TANGO6: variants seen among roughly 807,000 people sequenced by gnomAD.
TANGO6 encodes transport and golgi organization 6 homolog, also known as transport and Golgi organization protein 6 homolog.
A neutral mutation model predicts 114.2 loss-of-function variants in TANGO6; 90 were observed. The observed-to-expected ratio is 0.79, with a 90% confidence interval of 0.66 to 0.94. The LOEUF is 0.94. TANGO6 is among the 40% of genes least tolerant of loss of function. The pLI is 0.00. For synonymous variants in TANGO6, 477 were observed against 509.8 expected (o/e 0.94, Z 0.87); for missense variants, 1,274 against 1,315.3 (o/e 0.97, Z 0.49).
At chr16:68,925,461 G>C (rs947739049) in intron 12 of TANGO6, among the ~76,000 whole-genome samples, 1 of 152,108 alleles carries the variant, frequency 6.6e-6, no homozygotes, top group Non-Finnish European at 1.5e-5. Context: ...AAGTCAGGTT[G>C]TTCATTTTCT....
At chr16:68,871,705 T>C (rs57492998) in intron 4 of TANGO6, among the ~76,000 whole-genome samples, 36,409 of 152,094 alleles carry the variant, frequency 0.24, 4,989 homozygotes, top group African/African-American at 0.39. Flanking sequence ...CTGCAACTTC[T>C]GCCTCCCAGG....
intron 17 of TANGO6, among the ~76,000 whole-genome samples, chr16:69,050,458 C>T (rs139984059): frequency 4.6e-4 from 70 of 151,756 alleles, no homozygotes; most frequent in Non-Finnish European, 8.0e-4. Flanking sequence ...CCTTCCACCT[C>T]AGCCTCCTAA....
chr16:68,864,801 C>A (rs1048842978), intron 3 of TANGO6, among the ~76,000 whole-genome samples: 7 of 152,122 alleles, frequency 4.6e-5, no homozygotes, highest in Non-Finnish European at 7.4e-5. Flanking sequence ...AGGTTTCTTA[C>A]CCATAAGATA....
At chr16:68,909,083 A>G in intron 10 of TANGO6, 128 bp from the exon 11 acceptor site, 1 of 828,228 alleles carries the variant, frequency 1.2e-6, no homozygotes, top group Non-Finnish European at 1.7e-6. Flanking sequence ...GCTATTATAA[A>G]TAATGTTGCA....
At chr16:68,977,899 C>A (rs573831355) in intron 15 of TANGO6, among the ~76,000 whole-genome samples, 4 of 151,774 alleles carry the variant, frequency 2.6e-5, no homozygotes, top group Non-Finnish European at 4.4e-5. Context: ...TTGGACAGGC[C>A]GGTCTCGAAC....
intron 15 of TANGO6, among the ~76,000 whole-genome samples, chr16:69,016,002 A>G (rs1959290557): frequency 1.3e-5 from 2 of 152,030 alleles, no homozygotes; most frequent in East Asian, 1.9e-4. Context: ...TTGTTCCTTG[A>G]GGTCTTCTCC....
intron 7 of TANGO6, among the ~76,000 whole-genome samples, chr16:68,882,496 CA>C (rs759095866): frequency 2.2e-3 from 273 of 121,520 alleles, no homozygotes; most frequent in Non-Finnish European, 2.4e-3. Context: ...GACTCCGTCT[CA>C]AAAAAAAAAA....
At chr16:68,941,575 T>C (rs1963353725) in intron 14 of TANGO6, among the ~76,000 whole-genome samples, 1 of 151,918 alleles carries the variant, frequency 6.6e-6, no homozygotes, top group African/African-American at 2.4e-5. Flanking sequence ...GAAAACCCCA[T>C]CTCTACCAAA....
chr16:68,953,193 C>T (rs1321804775), intron 14 of TANGO6, among the ~76,000 whole-genome samples: 2 of 151,956 alleles, frequency 1.3e-5, no homozygotes, highest in African/African-American at 2.4e-5. Context: ...GAGCGATTCT[C>T]CTGCCTCGGC....
At position 69,045,149 on chromosome 16, in the gene TANGO6, C is replaced by T. The variant is rs1484530594; in HGVS notation, c.3108+4728C>T. Among the ~76,000 whole-genome samples the T allele has an allele frequency of 1.2e-4, 13 of 108,372 alleles. No homozygotes were observed. In the Admixed American group the frequency reaches 1.3e-3, roughly 11 times the overall value. The allele number at this position is 108,372 out of a possible 152,430, so 71.1% of individuals were successfully genotyped here. A position where few individuals can be genotyped will look rare whatever the true frequency, so the allele number is the denominator to read the frequency against. ...CCAGCCTGGGCGACAGAGGGAGACT[C>T]TTGTCTCAAAAAAAAAAAAAAAAAG... On this transcript the variant is annotated intron_variant, in intron 17 of 17. Transcript: ENST00000261778.
At chr16:68,862,024 T>A (rs1453749149) in intron 2 of TANGO6, among the ~76,000 whole-genome samples, 2 of 142,658 alleles carry the variant, frequency 1.4e-5, no homozygotes, top group Non-Finnish European at 3.0e-5. Context: ...TTTTTTTTAA[T>A]TTTTTTTTTA....
At chr16:68,989,234 C>T (rs1204884236) in intron 15 of TANGO6, among the ~76,000 whole-genome samples, 1 of 152,000 alleles carries the variant, frequency 6.6e-6, no homozygotes, top group Non-Finnish European at 1.5e-5. Flanking sequence ...CATTCTAGGA[C>T]TTTACACATA....
At chr16:68,856,792 G>C (rs187407361) in intron 1 of TANGO6, among the ~76,000 whole-genome samples, 1 of 152,242 alleles carries the variant, frequency 6.6e-6, no homozygotes, top group Non-Finnish European at 1.5e-5. Flanking sequence ...GTCTCATACA[G>C]TATAGTTTCA....
At chr16:69,001,770 G>T (rs1964046365) in intron 15 of TANGO6, among the ~76,000 whole-genome samples, 1 of 152,132 alleles carries the variant, frequency 6.6e-6, no homozygotes, top group Admixed American at 6.6e-5. Flanking sequence ...CCCCGAAGCT[G>T]GTGGCCAACC....
intron 17 of TANGO6, among the ~76,000 whole-genome samples, chr16:69,076,280 C>T (rs1462975217): frequency 6.6e-6 from 1 of 150,956 alleles, no homozygotes; most frequent in African/African-American, 2.4e-5. Flanking sequence ...TTAGTAGAGA[C>T]GGGGTTTCAC....
chr16:69,016,011 C>A (rs944282490), intron 15 of TANGO6, among the ~76,000 whole-genome samples: 4 of 152,166 alleles, frequency 2.6e-5, no homozygotes, highest in African/African-American at 9.7e-5. Context: ...GAGGTCTTCT[C>A]CTCTGAGAGC....
chr16:68,868,382 T>G lies in TANGO6; in HGVS notation c.994+1162T>G, dbSNP rs553881462. On this transcript the variant is annotated intron_variant, in intron 4 of 17. Coordinates refer to ENST00000261778, the MANE Select transcript of TANGO6 (RefSeq NM_024562.2). ...AAGTCAAATAGTTCTCTGAGACTTA[T>G]AGTGAAAAATAGCAGTCCTCGGCAT... Among the ~76,000 whole-genome samples, 16 of 152,118 alleles carry G rather than the reference T, an allele frequency of 1.1e-4. No individual in the cohort carries two copies. The South Asian group carries it at 3.3e-3, about 32-fold the overall frequency.
intron 14 of TANGO6, among the ~76,000 whole-genome samples, chr16:68,939,419 A>C (rs1333954560): frequency 6.6e-6 from 1 of 152,092 alleles, no homozygotes; most frequent in Non-Finnish European, 1.5e-5. Flanking sequence ...CATAGTGGAA[A>C]CTGGGTGAGA....
intron 17 of TANGO6, among the ~76,000 whole-genome samples, chr16:69,072,068 T>TGTGTGTGTGG (rs1555530579): frequency 3.0e-5 from 3 of 100,542 alleles, no homozygotes; most frequent in African/African-American, 8.6e-5. Context: ...TGTGTGTGTG[T>TGTGTGTGTGG]AGAGAGAGGG....
Sources: gnomAD v4.1 joint callset for allele counts (sites outside exome capture counted in the v4.1 genomes callset) on GRCh38, gnomAD v4.1.1 for gene constraint, MANE v1.5 for transcripts, NCBI Gene and HGNC (gene_info 2026-07-23, HGNC 2026-07-21) for gene names.